Variants in ANO3 observed in about 807,000 individuals in gnomAD.
The protein encoded by ANO3 is anoctamin-3.
A neutral mutation model predicts 144.8 loss-of-function variants in ANO3; 99 were observed. The ratio of observed to expected loss-of-function variants is 0.68; its 90% CI spans 0.58 to 0.81. The LOEUF (loss-of-function observed/expected upper bound fraction) is 0.81, where lower values mean the gene tolerates loss of function less well. ANO3 is among the 30% of genes least tolerant of loss of function. The pLI, the probability that ANO3 is intolerant of heterozygous loss-of-function variation, is 0.00. For missense variants in ANO3, 905 were observed against 1,202.2 expected (o/e 0.75, Z 3.66); for synonymous variants, 414 against 392.6 (o/e 1.05, Z -0.64).
intron 14 of ANO3, among the ~76,000 whole-genome samples, chr11:26,597,953 C>G (rs191272304): frequency 2.1e-4 from 32 of 152,310 alleles, no homozygotes; most frequent in African/African-American, 7.5e-4. Context: ...TTTGTTCTCT[C>G]TCCTACACCA....
intron 1 of ANO3, among the ~76,000 whole-genome samples, chr11:26,223,214 A>C (rs4427526): frequency 0.35 from 53,363 of 151,876 alleles, 9,642 homozygotes; most frequent in Non-Finnish European, 0.38. Context: ...TTAAAAATTT[A>C]TTCTGCCAGA....
chr11:26,531,104 T>TTTCAAAGTAC, intron 7 of ANO3, 101 bp from the exon 8 acceptor site: 1 of 1,355,578 alleles, frequency 7.4e-7, no homozygotes, highest in South Asian at 1.4e-5. Context: ...GTGTATCTCT[T>TTTCAAAGTAC]TTCAAAGAAG....
chr11:26,391,202 G>T (rs1031020399), intron 1 of ANO3, among the ~76,000 whole-genome samples: 14 of 152,080 alleles, frequency 9.2e-5, no homozygotes, highest in African/African-American at 3.4e-4. Context: ...GGAACTCTCT[G>T]CAGAGGCTTA....
chr11:26,528,881 T>A (rs1034624266), intron 7 of ANO3, among the ~76,000 whole-genome samples: 8 of 151,170 alleles, frequency 5.3e-5, no homozygotes, highest in Non-Finnish European at 8.8e-5. Flanking sequence ...AAAGGCTGTC[T>A]TTGTAATGAG....
At chr11:26,638,068 C>T (rs6484228) in intron 20 of ANO3, among the ~76,000 whole-genome samples, 52,782 of 151,940 alleles carry the variant, frequency 0.35, 9,759 homozygotes, top group South Asian at 0.47. Context: ...TAGGATCATA[C>T]TGATGAATTA....
At chr11:26,609,047 G>A (rs1174157328) in intron 17 of ANO3, among the ~76,000 whole-genome samples, 1 of 152,156 alleles carries the variant, frequency 6.6e-6, no homozygotes, top group East Asian at 1.9e-4. Context: ...CCATGGTTGG[G>A]ACCCTAGTCC....
intron 1 of ANO3, among the ~76,000 whole-genome samples, chr11:26,291,780 T>C (rs1334901079): frequency 1.3e-5 from 2 of 152,252 alleles, no homozygotes; most frequent in East Asian, 1.9e-4. Context: ...AGAGATCTGC[T>C]GTTAGTCTGA....
chr11:26,638,247 G>C (rs1395321223), intron 20 of ANO3, among the ~76,000 whole-genome samples: 1 of 152,064 alleles, frequency 6.6e-6, no homozygotes, highest in Non-Finnish European at 1.5e-5. Flanking sequence ...CAGCTTTCCA[G>C]TGGAAAAAAA....
chr11:26,513,947 C>A (rs1439033181), intron 5 of ANO3, among the ~76,000 whole-genome samples: 1 of 152,034 alleles, frequency 6.6e-6, no homozygotes, highest in African/African-American at 2.4e-5. Context: ...GTCTCAGTTT[C>A]TCTCTCCTTG....
chr11:26,274,930 G>A (rs1853524644), intron 1 of ANO3, among the ~76,000 whole-genome samples: 1 of 151,804 alleles, frequency 6.6e-6, no homozygotes, highest in Non-Finnish European at 1.5e-5. Context: ...AGAGAAGAAG[G>A]AAACCATTTT....
chr11:26,541,017 T>G (rs1849629054), intron 10 of ANO3, among the ~76,000 whole-genome samples: 1 of 152,134 alleles, frequency 6.6e-6, no homozygotes, highest in African/African-American at 2.4e-5. Context: ...TGCAGCAATA[T>G]TCACAATAGC....
At chr11:26,270,206 A>G (rs1853410803) in intron 1 of ANO3, among the ~76,000 whole-genome samples, 3 of 152,204 alleles carry the variant, frequency 2.0e-5, no homozygotes, top group Admixed American at 2.0e-4. Context: ...GACCCTCTCC[A>G]CTACGTACAC....
chr11:26,570,480 G>C (rs1222567828), intron 14 of ANO3, among the ~76,000 whole-genome samples: 8 of 152,054 alleles, frequency 5.3e-5, no homozygotes, highest in Admixed American at 5.2e-4. Flanking sequence ...AGATGTCCTG[G>C]TTTATGTCAG....
In ANO3 at chr11:26,474,348, C is replaced by A. The variant is rs1240972839; in HGVS notation, c.432+11200C>A. ...TTTATCTTGCATGTAAACCAAATATCACCTCTGAAGTTTTGTCTTTTTGAA... is the reference window on the plus strand; with the variant it reads ...TTTATCTTGCATGTAAACCAAATATAACCTCTGAAGTTTTGTCTTTTTGAA... On this transcript the variant is annotated intron_variant, in intron 4 of 26. Transcript: ENST00000256737. 2.6e-5 allele frequency among the ~76,000 whole-genome samples: 4 copies of A among 151,758 alleles called. No individual in the cohort carries two copies. In the East Asian group the frequency reaches 7.8e-4, roughly 29 times the overall value.
chr11:26,453,281 T>G (rs1859020201), intron 3 of ANO3, among the ~76,000 whole-genome samples: 1 of 151,472 alleles, frequency 6.6e-6, no homozygotes, highest in Non-Finnish European at 1.5e-5. Context: ...AGACACAGAC[T>G]GGCAAATTGG....
chr11:26,222,730 G>C (rs1010727198), intron 1 of ANO3, among the ~76,000 whole-genome samples: 1 of 152,210 alleles, frequency 6.6e-6, no homozygotes, highest in African/African-American at 2.4e-5. Flanking sequence ...CTTATGGCTT[G>C]CACCCTCCAG....
At chr11:26,593,747 G>A (rs1848563) in intron 14 of ANO3, among the ~76,000 whole-genome samples, 67,433 of 151,774 alleles carry the variant, frequency 0.44, 15,828 homozygotes, top group East Asian at 0.68. Context: ...GTCCGTGTAG[G>A]CCGCAGTGGA....
intron 14 of ANO3, among the ~76,000 whole-genome samples, chr11:26,594,790 TGAAAA>T (rs1380770417): frequency 5.3e-5 from 8 of 152,156 alleles, no homozygotes; most frequent in Non-Finnish European, 1.5e-5. Context: ...TTTCTCTTAA[TGAAAA>T]GAAAGTTTGC....
intron 1 of ANO3, among the ~76,000 whole-genome samples, chr11:26,372,958 A>C (rs1019251405): frequency 3.2e-4 from 49 of 152,328 alleles, no homozygotes; most frequent in African/African-American, 1.2e-3. Flanking sequence ...AATCCCAAAA[A>C]TATAAAGGAT....
Sources: allele counts gnomAD v4.1 joint callset (sites outside exome capture counted in the v4.1 genomes callset), GRCh38; gene constraint gnomAD v4.1.1; transcripts MANE v1.5; gene names NCBI Gene and HGNC (gene_info 2026-07-23, HGNC 2026-07-21).